NEO1: variants seen among roughly 807,000 people sequenced by gnomAD.
The protein encoded by NEO1 is neogenin 1.
NEO1 carries 63 observed loss-of-function variants against 159.7 expected under a neutral mutation model. The ratio of observed to expected loss-of-function variants is 0.39; its 90% confidence interval spans 0.32 to 0.49. NEO1 has a LOEUF of 0.49. Ranked by LOEUF, NEO1 falls within the 20% of genes least tolerant of loss-of-function variation. The pLI is 0.85. For synonymous variants in NEO1, 633 were observed against 662.0 expected (o/e 0.96, Z 0.67); for missense variants, 1,615 against 1,831.0 (o/e 0.88, Z 2.15).
In NEO1 at chr15:73,270,361, C is replaced by T; in HGVS notation, c.2764C>T (p.Pro922Ser). The stretch of plus-strand genomic sequence containing the variant: ...GAGTTATTTGGTGACTGGTTTAAAG[C>T]CGAATACACTCTATGAATTCTCTGT... ...TLSYLVTGLK[P>S]NTLYEFSVMV... is the part of the protein sequence containing the mutation. Residue 922 changes from proline to serine, a missense_variant, in exon 18 of 29, where the codon CCG (proline) becomes TCG (serine). Physicochemically the swap from Pro to Ser is moderately conservative, Grantham distance 74. Transcript: ENST00000261908. 1 of 1,614,150 alleles carries T rather than the reference C, an allele frequency of 6.2e-7. No homozygotes were observed. Among genetic ancestry groups the T allele is most frequent in the Non-Finnish European group, 8.5e-7 (1 of 1,180,030 alleles).
chr15:73,082,442 A>G (rs2069116064), intron 1 of NEO1, among the ~76,000 whole-genome samples: 1 of 152,208 alleles, frequency 6.6e-6, no homozygotes, highest in Non-Finnish European at 1.5e-5. Flanking sequence ...AAATTTGAAG[A>G]TGAGCTTTTG....
intron 2 of NEO1, among the ~76,000 whole-genome samples, chr15:73,122,048 G>GGTGT (rs146333563): frequency 5.8e-5 from 6 of 102,918 alleles, no homozygotes; most frequent in African/African-American, 1.6e-4. Flanking sequence ...AATATATAGG[G>GGTGT]GTGTGTGTGT....
chr15:73,233,225 A>C (rs2039003970), intron 7 of NEO1, among the ~76,000 whole-genome samples: 1 of 152,198 alleles, frequency 6.6e-6, no homozygotes, highest in South Asian at 2.1e-4. Flanking sequence ...GGGAAAGCTG[A>C]TAGAGAACAC....
At chr15:73,145,720 G>T (rs2151806605) in intron 5 of NEO1, among the ~76,000 whole-genome samples, 1 of 152,276 alleles carries the variant, frequency 6.6e-6, no homozygotes, top group South Asian at 2.1e-4. Context: ...AAGTTACATT[G>T]TAAATTGCAT....
intron 1 of NEO1, among the ~76,000 whole-genome samples, chr15:73,075,868 C>T (rs1384069887): frequency 1.3e-5 from 2 of 152,214 alleles, no homozygotes; most frequent in African/African-American, 2.4e-5. Flanking sequence ...CTTCCTTCCT[C>T]TCTTTTCCAG....
At chr15:73,279,650 C>T (rs1338031152) in intron 22 of NEO1, among the ~76,000 whole-genome samples, 2 of 152,020 alleles carry the variant, frequency 1.3e-5, no homozygotes, top group African/African-American at 4.8e-5. Flanking sequence ...CGCCCGGGGC[C>T]CGCGTGCACG....
rs923711674 is a variant in NEO1 at position 73,296,711 on chromosome 15, A to G, written c.3902-1637A>G. 3.4e-4 allele frequency among the ~76,000 whole-genome samples: 52 copies of G among 152,226 alleles called. 1 individual carries two copies. Among genetic ancestry groups the G allele is most frequent in the African/African-American group, 1.2e-3 (48 of 41,552 alleles). On this transcript the variant is annotated intron_variant, in intron 26 of 28. Transcript: ENST00000261908. ...AGGCCTGAAGTCGCATATAGTACTG[A>G]ACCCTTTATATCTGTTTTCTCCATC...
At chr15:73,147,981 T>C (rs1243500578) in intron 5 of NEO1, among the ~76,000 whole-genome samples, 1 of 152,108 alleles carries the variant, frequency 6.6e-6, no homozygotes, top group Non-Finnish European at 1.5e-5. Context: ...GCCCGGCTAA[T>C]TTTTGTAGTT....
chr15:73,277,620 T>A (rs2041478892), intron 21 of NEO1, among the ~76,000 whole-genome samples: 1 of 152,182 alleles, frequency 6.6e-6, no homozygotes. Flanking sequence ...TAGCTTAGGG[T>A]AACTTTATAT....
chr15:73,188,060 T>G (rs1317136478), intron 7 of NEO1, among the ~76,000 whole-genome samples: 1 of 152,156 alleles, frequency 6.6e-6, no homozygotes, highest in Admixed American at 6.6e-5. Context: ...TATATTTACT[T>G]CTTGCAAGAT....
chr15:73,144,877 T>G (rs2032751852), intron 5 of NEO1, among the ~76,000 whole-genome samples: 1 of 152,216 alleles, frequency 6.6e-6, no homozygotes, highest in South Asian at 2.1e-4. Flanking sequence ...TTCAATCTTT[T>G]TATTTTTTTT....
chr15:73,165,505 A>G (rs1322592156), intron 5 of NEO1, among the ~76,000 whole-genome samples: 2 of 152,162 alleles, frequency 1.3e-5, no homozygotes, highest in Non-Finnish European at 2.9e-5. Flanking sequence ...CCAGTAGTCA[A>G]TTTTCTTAAA....
At chr15:73,298,066 C>T (rs1005463828) in intron 26 of NEO1, among the ~76,000 whole-genome samples, 1 of 152,144 alleles carries the variant, frequency 6.6e-6, no homozygotes, top group Non-Finnish European at 1.5e-5. Flanking sequence ...TCTCAGGAAC[C>T]TTTACAAGTG....
At chr15:73,129,340 G>A (rs1424700870) in intron 4 of NEO1, among the ~76,000 whole-genome samples, 2 of 152,064 alleles carry the variant, frequency 1.3e-5, no homozygotes, top group East Asian at 3.9e-4. Flanking sequence ...ATTAGAAAGA[G>A]GCTTAGAAGT....
At chr15:73,110,652 G>A (rs749568902) in intron 1 of NEO1, among the ~76,000 whole-genome samples, 1 of 152,170 alleles carries the variant, frequency 6.6e-6, no homozygotes, top group Non-Finnish European at 1.5e-5. Context: ...AGTCTATCAA[G>A]AAGTGAGAGC....
At chr15:73,262,015 G>T (rs1398005966) in intron 15 of NEO1, among the ~76,000 whole-genome samples, 1 of 152,140 alleles carries the variant, frequency 6.6e-6, no homozygotes, top group Non-Finnish European at 1.5e-5. Flanking sequence ...AGATAATTTA[G>T]TGGGGAGAAG....
At chr15:73,087,971 C>T (rs1303756288) in intron 1 of NEO1, among the ~76,000 whole-genome samples, 1 of 151,614 alleles carries the variant, frequency 6.6e-6, no homozygotes, top group African/African-American at 2.4e-5. Context: ...GTGTTTTTTT[C>T]CTGATAATTT....
chr15:73,211,064 A>T (rs1189139173), intron 7 of NEO1, among the ~76,000 whole-genome samples: 1 of 152,240 alleles, frequency 6.6e-6, no homozygotes, highest in East Asian at 1.9e-4. Context: ...AGCATTTTTT[A>T]AAATTACAGT....
At chr15:73,113,607 T>C (rs747662673) in intron 1 of NEO1, among the ~76,000 whole-genome samples, 44 of 152,308 alleles carry the variant, frequency 2.9e-4, no homozygotes, top group Admixed American at 1.1e-3. Flanking sequence ...ATCTTCATTT[T>C]GTACCTGTGA....
Sources: gnomAD v4.1 joint callset for allele counts (sites outside exome capture counted in the v4.1 genomes callset) on GRCh38, gnomAD v4.1.1 for gene constraint, MANE v1.5 for transcripts, NCBI Gene and HGNC (gene_info 2026-07-23, HGNC 2026-07-21) for gene names.